Variants in SLC20A2 observed in about 807,000 individuals in gnomAD.
SLC20A2 encodes solute carrier family 20 member 2, also known as sodium-dependent phosphate transporter 2.
Under a neutral mutation model 61.0 loss-of-function variants are expected in SLC20A2, and 30 were observed. The observed-to-expected ratio is 0.49, with a 90% CI of 0.37 to 0.67. The LOEUF is 0.67. Among genes scored for constraint, SLC20A2 ranks in the 30% least tolerant of loss-of-function variants. The pLI is 0.00. For synonymous variants in SLC20A2, 351 were observed against 353.3 expected (o/e 0.99, Z 0.07); for missense variants, 626 against 866.4 (o/e 0.72, Z 3.48).
At chr8:42,491,186 G>T (rs942433244) in intron 1 of SLC20A2, among the ~76,000 whole-genome samples, 6 of 152,078 alleles carry the variant, frequency 3.9e-5, no homozygotes, top group Non-Finnish European at 8.8e-5. Context: ...GATCACCTGA[G>T]GTCAGGAGTT....
intron 5 of SLC20A2, among the ~76,000 whole-genome samples, chr8:42,451,310 TAAG>T (rs1351531314): frequency 2.4e-5 from 3 of 122,780 alleles, no homozygotes; most frequent in Non-Finnish European, 5.1e-5. Flanking sequence ...GAGGAAGAGA[TAAG>T]GAGGAGGAGG....
intron 6 of SLC20A2, 21 bp from the exon 7 acceptor site, chr8:42,439,674 C>T: frequency 2.6e-6 from 4 of 1,520,870 alleles, no homozygotes; most frequent in Non-Finnish European, 3.7e-6. Flanking sequence ...CAAAGTCATA[C>T]TGAACATTCT....
chr8:42,447,390 C>T (rs947366889), intron 5 of SLC20A2, among the ~76,000 whole-genome samples: 2 of 149,032 alleles, frequency 1.3e-5, no homozygotes, highest in African/African-American at 2.5e-5. Context: ...AATTAACATA[C>T]ATTTGGGCTG....
At chr8:42,451,738 G>A (rs1442231962) in intron 5 of SLC20A2, among the ~76,000 whole-genome samples, 2 of 134,228 alleles carry the variant, frequency 1.5e-5, no homozygotes, top group Non-Finnish European at 3.2e-5. Flanking sequence ...AGAGGAGGAG[G>A]AAAAGATGGA....
At chr8:42,533,511 G>A (rs1054939705) in intron 1 of SLC20A2, among the ~76,000 whole-genome samples, 10 of 152,020 alleles carry the variant, frequency 6.6e-5, no homozygotes, top group Non-Finnish European at 1.5e-4. Flanking sequence ...AGCTACTCGG[G>A]AGGCTGAAGC....
At chr8:42,504,867 A>AAAAAAAAAC, upstream of SLC20A2, among the ~76,000 whole-genome samples, 1 of 141,684 alleles carries the variant, frequency 7.1e-6, no homozygotes, top group Non-Finnish European at 1.5e-5. Context: ...AAAAAAAAAA[A>AAAAAAAAAC]AAAAAAAAAA....
At chr8:42,506,991 C>T (rs530302133) in intron 1 of SLC20A2, among the ~76,000 whole-genome samples, 58 of 152,296 alleles carry the variant, frequency 3.8e-4, no homozygotes, top group African/African-American at 1.3e-3. Context: ...AGTGGGGATG[C>T]ACCATCACTG....
chr8:42,530,071 G>A (rs1418371201), intron 1 of SLC20A2, among the ~76,000 whole-genome samples: 3 of 152,006 alleles, frequency 2.0e-5, no homozygotes, highest in African/African-American at 7.2e-5. Context: ...GTTTAATCAT[G>A]CAATGAGTAT....
At chr8:42,474,783 T>C (rs1373347536) in intron 1 of SLC20A2, among the ~76,000 whole-genome samples, 4 of 152,114 alleles carry the variant, frequency 2.6e-5, no homozygotes, top group Non-Finnish European at 5.9e-5. Context: ...AACACATAAA[T>C]GTCTATAAAC....
intron 3 of SLC20A2, among the ~76,000 whole-genome samples, chr8:42,464,697 G>A (rs1255506312): frequency 3.3e-5 from 5 of 152,142 alleles, no homozygotes; most frequent in Non-Finnish European, 5.9e-5. Flanking sequence ...CTTTGGCCAG[G>A]TGCGGTGGCT....
intron 1 of SLC20A2, among the ~76,000 whole-genome samples, chr8:42,486,284 G>A (rs2978458): frequency 1.3e-5 from 2 of 151,896 alleles, no homozygotes; most frequent in Non-Finnish European, 2.9e-5. Context: ...GCAGTGGCAC[G>A]ATAATGGCTC....
chr8:42,428,815 G>A lies in SLC20A2; in HGVS notation c.1737C>T (p.Ala579=), dbSNP rs1010995524. 2 of 1,607,506 alleles carry A rather than the reference G, an allele frequency of 1.2e-6. No individual in the cohort carries two copies. Among genetic ancestry groups the A allele is most frequent in the Non-Finnish European group, 8.5e-7 (1 of 1,177,046 alleles). The change falls in exon 10 of 11, where the codon GCC becomes GCT. Residue 579 remains alanine (A), a synonymous_variant. Coordinates refer to ENST00000520262, the MANE Select transcript of SLC20A2 (RefSeq NM_001257180.2). ...TGTTGGAGGCGATCACCACTGTGAAGGCTGAGGCCAGCTCGATCGTGAAGC... is the reference window on the plus strand; with the variant it reads ...TGTTGGAGGCGATCACCACTGTGAAAGCTGAGGCCAGCTCGATCGTGAAGC... ...SSGFTIELAS[A]FTVVIASNIG...
At chr8:42,538,000 G>C (rs1465264908) in intron 1 of SLC20A2, 1 of 152,028 alleles carries the variant, frequency 6.6e-6, no homozygotes, top group African/African-American at 2.4e-5. Flanking sequence ...TGAAAAATGA[G>C]GAAATAATTG....
intron 1 of SLC20A2, among the ~76,000 whole-genome samples, chr8:42,514,519 A>G (rs1196830111): frequency 6.6e-6 from 1 of 152,150 alleles, no homozygotes; most frequent in Non-Finnish European, 1.5e-5. Context: ...GCACTTTGGG[A>G]GGCCGAGGCA....
At chr8:42,454,431 A>G (rs1805977675) in intron 5 of SLC20A2, among the ~76,000 whole-genome samples, 1 of 152,144 alleles carries the variant, frequency 6.6e-6, no homozygotes, top group South Asian at 2.1e-4. Flanking sequence ...CAGGGACTAT[A>G]GTGTCCCTCG....
intron 5 of SLC20A2, among the ~76,000 whole-genome samples, chr8:42,447,413 C>T (rs940405985): frequency 2.0e-5 from 3 of 151,632 alleles, no homozygotes; most frequent in East Asian, 1.9e-4. Context: ...TGCGGTGGCT[C>T]ATGCCTGTAA....
intron 1 of SLC20A2, among the ~76,000 whole-genome samples, chr8:42,499,886 TA>T (rs2131344224): frequency 6.6e-6 from 1 of 152,344 alleles, no homozygotes; most frequent in Admixed American, 6.5e-5. Flanking sequence ...TTTCTAAAAA[TA>T]GCCCAAGAAC....
chr8:42,432,987 A>G (rs1377121284), intron 8 of SLC20A2, among the ~76,000 whole-genome samples: 1 of 152,230 alleles, frequency 6.6e-6, no homozygotes, highest in African/African-American at 2.4e-5. Flanking sequence ...GTTCCTGTAC[A>G]TGGTGACTTT....
In SLC20A2 at chr8:42,446,466, G is replaced by A. The variant is rs562208191; in HGVS notation, c.614-1704C>T. On this transcript the variant is annotated intron_variant, in intron 5 of 10. Transcript: ENST00000520262. Reference sequence around the variant, plus strand: ...AAGAATACTCACCACAGCATTATTTGTAATAGTAATAATTTGTAGAACAAC... The same window carrying A: ...AAGAATACTCACCACAGCATTATTTATAATAGTAATAATTTGTAGAACAAC... Among the ~76,000 whole-genome samples, 79 of 152,110 alleles carry A rather than the reference G, an allele frequency of 5.2e-4. No individual in the cohort carries two copies. The South Asian group carries it at 0.012, about 23-fold the overall frequency.
Sources: gnomAD v4.1 joint callset for allele counts (sites outside exome capture counted in the v4.1 genomes callset) on GRCh38, gnomAD v4.1.1 for gene constraint, MANE v1.5 for transcripts, NCBI Gene and HGNC (gene_info 2026-07-23, HGNC 2026-07-21) for gene names.